The following PIK3C2A variants were observed in gnomAD, a reference collection of about 807,000 sequenced individuals.
The protein encoded by PIK3C2A is phosphatidylinositol 4-phosphate 3-kinase C2 domain-containing subunit alpha.
PIK3C2A carries 97 observed loss-of-function variants against 204.5 expected under a neutral mutation model. The ratio of observed to expected loss-of-function variants is 0.47; its 90% CI spans 0.40 to 0.56. The LOEUF (loss-of-function observed/expected upper bound fraction) is 0.56, where lower values mean the gene tolerates loss of function less well. PIK3C2A is among the 20% of genes least tolerant of loss of function. PIK3C2A has a pLI of 0.00. For synonymous variants in PIK3C2A, 653 were observed against 664.4 expected (o/e 0.98, Z 0.26); for missense variants, 1,735 against 1,969.2 (o/e 0.88, Z 2.25).
chr11:17,192,690 G>A (rs1014874887), intron 1 of PIK3C2A, among the ~76,000 whole-genome samples: 1 of 152,142 alleles, frequency 6.6e-6, no homozygotes, highest in Admixed American at 6.5e-5. Context: ...CAAGTGATCT[G>A]CCCTCCTCAG....
chr11:17,185,716 C>A (rs1332833230), intron 1 of PIK3C2A, among the ~76,000 whole-genome samples: 4 of 152,186 alleles, frequency 2.6e-5, no homozygotes, highest in African/African-American at 7.2e-5. Flanking sequence ...TACTTACAGG[C>A]TCTATCTTCA....
At chr11:17,174,960 C>T (rs1353451045) in intron 1 of PIK3C2A, among the ~76,000 whole-genome samples, 3 of 152,112 alleles carry the variant, frequency 2.0e-5, no homozygotes, top group South Asian at 2.1e-4. Flanking sequence ...AGAAAGGCTA[C>T]GTAGATATAA....
intron 15 of PIK3C2A, among the ~76,000 whole-genome samples, chr11:17,120,330 A>C (rs1849330785): frequency 6.6e-6 from 1 of 152,102 alleles, no homozygotes; most frequent in African/African-American, 2.4e-5. Context: ...CATTTCGTAC[A>C]AATAAAATCA....
At chr11:17,167,011 C>T (rs983391621) in intron 2 of PIK3C2A, among the ~76,000 whole-genome samples, 1 of 152,034 alleles carries the variant, frequency 6.6e-6, no homozygotes, top group African/African-American at 2.4e-5. Context: ...TGCTCTGTCG[C>T]CCAGGCTGGA....
chr11:17,173,827 G>C (rs1042804557), intron 1 of PIK3C2A, among the ~76,000 whole-genome samples: 2 of 152,192 alleles, frequency 1.3e-5, no homozygotes, highest in Non-Finnish European at 2.9e-5. Flanking sequence ...TGTTTAGACA[G>C]AGTCTCATTC....
intron 17 of PIK3C2A, 46 bp from the exon 18 acceptor site, chr11:17,118,785 A>G (rs1157090618): frequency 3.5e-6 from 3 of 865,648 alleles, no homozygotes; most frequent in Non-Finnish European, 5.6e-6. Flanking sequence ...AACCCATACT[A>G]AATTGTTCCA....
intron 23 of PIK3C2A, among the ~76,000 whole-genome samples, chr11:17,103,192 A>G (rs1320965559): frequency 1.3e-5 from 1 of 78,796 alleles, no homozygotes; most frequent in Admixed American, 1.2e-4. Flanking sequence ...TTCCACAAAC[A>G]TGATGGATAG....
intron 1 of PIK3C2A, among the ~76,000 whole-genome samples, chr11:17,185,308 C>G (rs1712883376): frequency 6.6e-6 from 1 of 152,038 alleles, no homozygotes; most frequent in African/African-American, 2.4e-5. Flanking sequence ...AGTTTGTAGC[C>G]TAAGAGCAAA....
At chr11:17,167,667 G>A (rs775716569) in intron 2 of PIK3C2A, among the ~76,000 whole-genome samples, 2 of 151,954 alleles carry the variant, frequency 1.3e-5, no homozygotes, top group Non-Finnish European at 2.9e-5. Context: ...AACATAAACC[G>A]ATCCAAATCA....
chr11:17,152,826 A>G (rs186530963), intron 3 of PIK3C2A, among the ~76,000 whole-genome samples: 2 of 152,266 alleles, frequency 1.3e-5, no homozygotes, highest in East Asian at 3.9e-4. Flanking sequence ...CAGAACATAA[A>G]AAGAAGAAAA....
chr11:17,203,106 C>T lies in PIK3C2A; in HGVS notation c.-66+4742G>A, dbSNP rs12288105. ...GCTAAGTTTAAAATTTTAAGAAATC[C>T]AAGAATTAGTTTAAAATTGTATAAA... is the stretch of plus-strand genomic sequence containing the variant. On this transcript the variant is annotated intron_variant, in intron 1 of 32. Transcript: ENST00000691414. Among the ~76,000 whole-genome samples the T allele has an allele frequency of 4.8e-3, 733 of 152,076 alleles. 10 individuals are homozygous for T. The highest frequency in any genetic ancestry group is 0.017 in the African/African-American group (697 of 41,490).
intron 1 of PIK3C2A, among the ~76,000 whole-genome samples, chr11:17,190,049 GA>G (rs1416218267): frequency 6.6e-6 from 1 of 151,984 alleles, no homozygotes; most frequent in Non-Finnish European, 1.5e-5. Context: ...TGGATCACTT[GA>G]GGTCAGCAGT....
At chr11:17,132,126 G>C (rs1230930995) in intron 11 of PIK3C2A, 88 bp from the exon 12 acceptor site, 2 of 756,270 alleles carry the variant, frequency 2.6e-6, no homozygotes, top group South Asian at 1.9e-5. Context: ...TTCCTCCAAA[G>C]AGACTAATAT....
chr11:17,135,673 ATATATGTG>A (rs1217656816), intron 9 of PIK3C2A, among the ~76,000 whole-genome samples: 5 of 95,476 alleles, frequency 5.2e-5, no homozygotes, highest in African/African-American at 2.3e-4. Flanking sequence ...AAGTAATTTC[ATATATGTG>A]TGTGTGTGTG....
At chr11:17,165,668 G>A (rs1267729473) in intron 2 of PIK3C2A, among the ~76,000 whole-genome samples, 1 of 151,528 alleles carries the variant, frequency 6.6e-6, no homozygotes, top group Non-Finnish European at 1.5e-5. Context: ...CCAGCTACTC[G>A]GGAGGCTGAG....
intron 13 of PIK3C2A, among the ~76,000 whole-genome samples, chr11:17,126,323 G>A (rs996156824): frequency 2.0e-5 from 3 of 151,402 alleles, no homozygotes; most frequent in African/African-American, 4.8e-5. Context: ...ATCGGATGGC[G>A]GGAAGATGGA....
intron 11 of PIK3C2A, among the ~76,000 whole-genome samples, chr11:17,133,886 C>T (rs1849783034): frequency 6.6e-6 from 1 of 152,010 alleles, no homozygotes; most frequent in Non-Finnish European, 1.5e-5. Context: ...CGAGATCACG[C>T]CACTGCACTC....
intron 24 of PIK3C2A, 106 bp from the exon 25 acceptor site, chr11:17,101,540 C>G (rs1848621468): frequency 2.1e-6 from 1 of 479,988 alleles, no homozygotes; most frequent in African/African-American, 2.0e-5. Context: ...CCATTTCCAA[C>G]TAGGAAACTT....
intron 1 of PIK3C2A, among the ~76,000 whole-genome samples, chr11:17,200,367 A>G (rs1852323587): frequency 6.6e-6 from 1 of 152,198 alleles, no homozygotes; most frequent in Non-Finnish European, 1.5e-5. Context: ...CTGTACTACA[A>G]TTACAAATTT....
Sources: gnomAD v4.1 joint callset for allele counts (sites outside exome capture counted in the v4.1 genomes callset) on GRCh38, gnomAD v4.1.1 for gene constraint, MANE v1.5 for transcripts, NCBI Gene and HGNC (gene_info 2026-07-23, HGNC 2026-07-21) for gene names.